TMPRSS11A: variants seen among roughly 807,000 people sequenced by gnomAD.
The protein encoded by TMPRSS11A is transmembrane serine protease 11A.
TMPRSS11A carries 53 observed loss-of-function variants against 58.9 expected under a neutral mutation model. That is an observed-to-expected ratio of 0.90 (90% CI 0.72 to 1.13). The LOEUF (loss-of-function observed/expected upper bound fraction) is 1.13. Among genes scored for constraint, TMPRSS11A ranks in the 50% most tolerant of loss-of-function variants. TMPRSS11A has a pLI of 0.00. For missense variants in TMPRSS11A, 493 were observed against 499.3 expected (o/e 0.99, Z 0.12); for synonymous variants, 167 against 169.8 (o/e 0.98, Z 0.13).
intron 2 of TMPRSS11A, among the ~76,000 whole-genome samples, chr4:67,945,025 C>T (rs1418922793): frequency 6.6e-6 from 1 of 152,154 alleles, no homozygotes; most frequent in African/African-American, 2.4e-5. Context: ...TTCATTGCTA[C>T]ATTGCTCCTT....
chr4:67,912,426 G>A (rs191806087), intron 9 of TMPRSS11A, among the ~76,000 whole-genome samples: 12 of 152,272 alleles, frequency 7.9e-5, no homozygotes, highest in Admixed American at 7.2e-4. Context: ...ACTCTTTAGT[G>A]TTGGACTAAC....
chr4:67,924,218 T>C (rs1204761774), intron 5 of TMPRSS11A, 52 bp from the exon 6 acceptor site: 1 of 1,512,068 alleles, frequency 6.6e-7, no homozygotes, highest in Admixed American at 1.7e-5. Flanking sequence ...TCCTGGTTGG[T>C]CTCAATGACC....
At chr4:67,920,191 T>A (rs1250324435) in intron 7 of TMPRSS11A, among the ~76,000 whole-genome samples, 2 of 152,088 alleles carry the variant, frequency 1.3e-5, no homozygotes, top group Non-Finnish European at 1.5e-5. Flanking sequence ...AATCATTTAG[T>A]AGCAATGAAA....
At chr4:67,951,707 A>T (rs567131417) in intron 1 of TMPRSS11A, among the ~76,000 whole-genome samples, 2 of 152,264 alleles carry the variant, frequency 1.3e-5, no homozygotes, top group Non-Finnish European at 2.9e-5. Context: ...CTTCATAAAG[A>T]AGTCCAAAAT....
At chr4:67,913,119 C>T (rs1446664291) in intron 9 of TMPRSS11A, among the ~76,000 whole-genome samples, 1 of 151,956 alleles carries the variant, frequency 6.6e-6, no homozygotes, top group Non-Finnish European at 1.5e-5. Context: ...CTGTTTGGTT[C>T]TAGGGTATGG....
chr4:67,949,410 T>C (rs1432287748), intron 1 of TMPRSS11A, among the ~76,000 whole-genome samples: 1 of 152,204 alleles, frequency 6.6e-6, no homozygotes, highest in East Asian at 1.9e-4. Context: ...TTTCTCCTTT[T>C]GAGGAAACAT....
intron 1 of TMPRSS11A, among the ~76,000 whole-genome samples, chr4:67,958,889 T>A (rs907886439): frequency 1.3e-5 from 2 of 152,216 alleles, no homozygotes; most frequent in African/African-American, 4.8e-5. Context: ...ATTCTTGTGA[T>A]AATGAATAAG....
chr4:67,931,007 A>G (rs1437650788), intron 4 of TMPRSS11A, among the ~76,000 whole-genome samples: 1 of 151,956 alleles, frequency 6.6e-6, no homozygotes, highest in Admixed American at 6.6e-5. Flanking sequence ...TTACTTCTTA[A>G]ATCTGAGGAA....
At chr4:67,916,472 TACACACACACAC>T (rs34678013) in intron 8 of TMPRSS11A, among the ~76,000 whole-genome samples, 24 of 150,202 alleles carry the variant, frequency 1.6e-4, no homozygotes, top group Non-Finnish European at 2.7e-4. Flanking sequence ...ATATATATTA[TACACACACACAC>T]ACACACACAC....
chr4:67,923,633 A>G (rs1190935356), intron 6 of TMPRSS11A, among the ~76,000 whole-genome samples: 1 of 152,106 alleles, frequency 6.6e-6, no homozygotes, highest in Non-Finnish European at 1.5e-5. Flanking sequence ...CAGCCTCCCA[A>G]GTAGCTGGGA....
Position 67,963,385 on chromosome 4 carries a change from A to C in TMPRSS11A, c.9T>G (p.Tyr3Ter), listed in dbSNP as rs548927609. 6.2e-7 allele frequency: 1 copy of C among 1,613,726 alleles called. No homozygotes were observed. Among genetic ancestry groups the C allele is most frequent in the South Asian group, 1.1e-5 (1 of 91,022 alleles). The change falls in exon 1 of 10, where the codon TAT (tyrosine) becomes TAG (stop). Residue 3 changes from tyrosine to a stop codon, truncating the protein, a stop_gained and splice_region_variant. Transcript: ENST00000508048. LOFTEE classifies it high-confidence loss of function. ...CTATAAAACAGAACTGAACTTACCG[A>C]TACATCATGTACAGGAGGAAGAATA... MM[Y>*]RTVGFGTRSR...
rs1721489378 is a variant in TMPRSS11A at position 67,963,467 on chromosome 4, T to G, written c.-74A>C. 6.6e-7 allele frequency: 1 copy of G among 1,505,026 alleles called. No individual in the cohort carries two copies. Among genetic ancestry groups the G allele is most frequent in the Admixed American group, 1.8e-5 (1 of 55,290 alleles). The allele number at this position is 1,505,026 out of a possible 1,614,324, so 93.2% of individuals were successfully genotyped here. ...ACTTTCTAATCAACTATATGACATC[T>G]CTAGATGTATTAGAAGTCTACGGCT... On this transcript the variant is annotated 5_prime_UTR_variant, in exon 1 of 10. Coordinates refer to ENST00000508048, the MANE Select transcript of TMPRSS11A (RefSeq NM_001114387.2).
At chr4:67,939,113 TA>T (rs1313932681) in intron 3 of TMPRSS11A, among the ~76,000 whole-genome samples, 1 of 152,092 alleles carries the variant, frequency 6.6e-6, no homozygotes, top group Non-Finnish European at 1.5e-5. Context: ...TTATTCTCCT[TA>T]TAGAGATCTT....
chr4:67,943,895 T>G (rs1720938097), intron 3 of TMPRSS11A, among the ~76,000 whole-genome samples: 1 of 152,194 alleles, frequency 6.6e-6, no homozygotes, highest in East Asian at 1.9e-4. Context: ...CTGTGCTTCC[T>G]TGTTAGAAAA....
At chr4:67,913,711 A>T (rs530973386) in intron 9 of TMPRSS11A, among the ~76,000 whole-genome samples, 1 of 152,230 alleles carries the variant, frequency 6.6e-6, no homozygotes, top group Non-Finnish European at 1.5e-5. Flanking sequence ...CTGGCTGTGG[A>T]CCAGATCCTG....
intron 3 of TMPRSS11A, among the ~76,000 whole-genome samples, chr4:67,932,343 A>G (rs1397256000): frequency 6.6e-6 from 1 of 152,178 alleles, no homozygotes; most frequent in Non-Finnish European, 1.5e-5. Context: ...ACTGTGCTAG[A>G]GTAGGTTTCT....
Position 67,917,624 on chromosome 4 carries a change from T to A in TMPRSS11A, c.952+1349A>T, listed in dbSNP as rs373412667. ...CTATTTAATAGATTAAAAGCACCTG[T>A]GGGTCACTCACCAAGAGAGGCCGTG... is the stretch of plus-strand genomic sequence containing the variant. On this transcript the variant is annotated intron_variant, in intron 8 of 9. Transcript: ENST00000508048. Among the ~76,000 whole-genome samples the A allele has an allele frequency of 5.9e-5, 9 of 152,344 alleles. No homozygotes were observed. In the East Asian group the frequency reaches 9.6e-4, roughly 16 times the overall value.
chr4:67,927,987 T>C (rs1336506569), intron 5 of TMPRSS11A, among the ~76,000 whole-genome samples: 1 of 152,172 alleles, frequency 6.6e-6, no homozygotes. Context: ...CATGAGCCAA[T>C]TATTTGGGTG....
chr4:67,921,568 CA>C (rs1303210349), intron 7 of TMPRSS11A, among the ~76,000 whole-genome samples: 5 of 152,044 alleles, frequency 3.3e-5, no homozygotes, highest in Non-Finnish European at 7.4e-5. Flanking sequence ...CTCGGCCTCC[CA>C]AAATGCTGGG....
Sources: allele counts gnomAD v4.1 joint callset (sites outside exome capture counted in the v4.1 genomes callset), GRCh38; gene constraint gnomAD v4.1.1; transcripts MANE v1.5; gene names NCBI Gene and HGNC (gene_info 2026-07-23, HGNC 2026-07-21).